The following UBE2E2 variants were observed in gnomAD, a reference collection of about 807,000 sequenced individuals.
UBE2E2 encodes ubiquitin conjugating enzyme E2 E2, also known as ubiquitin-conjugating enzyme E2 E2.
Under a neutral mutation model 24.7 loss-of-function variants are expected in UBE2E2, and 6 were observed. The observed-to-expected ratio is 0.24, with a 90% CI of 0.13 to 0.48. The LOEUF (loss-of-function observed/expected upper bound fraction) is 0.48, where lower values mean the gene tolerates loss of function less well. Among genes scored for constraint, UBE2E2 ranks in the 20% least tolerant of loss-of-function variants. The probability of loss-of-function intolerance (pLI) is 0.99; values close to 1 mark genes in which losing one functional copy is unlikely to be tolerated. For missense variants in UBE2E2, 169 were observed against 245.0 expected (o/e 0.69, Z 2.07); for synonymous variants, 104 against 83.6 (o/e 1.24, Z -1.33).
intron 5 of UBE2E2, among the ~76,000 whole-genome samples, chr3:23,574,224 G>C (rs1187169253): frequency 6.6e-6 from 1 of 152,162 alleles, no homozygotes; most frequent in Non-Finnish European, 1.5e-5. Flanking sequence ...CCAGAGGCTG[G>C]AAAAGGTAGT....
chr3:23,293,077 A>C (rs1360940158), intron 3 of UBE2E2, among the ~76,000 whole-genome samples: 1 of 152,250 alleles, frequency 6.6e-6, no homozygotes, highest in Non-Finnish European at 1.5e-5. Flanking sequence ...CCGTCTCAAA[A>C]AAATCAGGAT....
intron 3 of UBE2E2, among the ~76,000 whole-genome samples, chr3:23,413,689 T>G (rs995262152): frequency 3.3e-5 from 5 of 152,196 alleles, no homozygotes. Context: ...CAGACCCTTA[T>G]GCTTCCTCTT....
chr3:23,271,004 G>T, intron 3 of UBE2E2: 2 of 456,714 alleles, frequency 4.4e-6, no homozygotes, highest in South Asian at 3.1e-5. Flanking sequence ...TGACTTGGAA[G>T]GAGCAGACTT....
In UBE2E2 at chr3:23,256,534, A is replaced by G. The variant is rs543360691; in HGVS notation, c.227+39222A>G. 2.0e-5 allele frequency among the ~76,000 whole-genome samples: 3 copies of G among 152,336 alleles called. No homozygotes were observed. In the East Asian group the frequency reaches 5.8e-4, roughly 29 times the overall value. The stretch of plus-strand genomic sequence containing the variant: ...AGTATGATTTTTAATTAAGAACATT[A>G]AAGTTCTTAGTTATAAATTTTAAAA... On this transcript the variant is annotated intron_variant, in intron 3 of 5. Coordinates refer to ENST00000396703, the MANE Select transcript of UBE2E2 (RefSeq NM_152653.4).
At chr3:23,533,812 G>A (rs1285197400) in intron 5 of UBE2E2, among the ~76,000 whole-genome samples, 3 of 151,688 alleles carry the variant, frequency 2.0e-5, no homozygotes, top group Admixed American at 6.6e-5. Flanking sequence ...TAGTAGAGAC[G>A]GGGTTTCACC....
intron 3 of UBE2E2, among the ~76,000 whole-genome samples, chr3:23,400,000 ATACTT>A (rs1179137778): frequency 6.6e-6 from 1 of 152,144 alleles, no homozygotes; most frequent in Non-Finnish European, 1.5e-5. Flanking sequence ...GAACATTACA[ATACTT>A]TAGAGCATGA....
intron 3 of UBE2E2, among the ~76,000 whole-genome samples, chr3:23,397,435 T>C (rs1559371812): frequency 1.3e-5 from 2 of 152,200 alleles, no homozygotes; most frequent in South Asian, 4.1e-4. Context: ...TAATGAGTTA[T>C]TATAAAGTGA....
At chr3:23,382,543 A>G (rs914224993) in intron 3 of UBE2E2, among the ~76,000 whole-genome samples, 2 of 152,198 alleles carry the variant, frequency 1.3e-5, no homozygotes, top group Non-Finnish European at 2.9e-5. Flanking sequence ...TATTTGGGAG[A>G]GAAGTTGATA....
At chr3:23,203,293 G>A (rs941563720), upstream of UBE2E2, 1 of 988,050 alleles carries the variant, frequency 1.0e-6, no homozygotes, top group South Asian at 4.5e-5. Context: ...GCGCGGCGGG[G>A]ACAGGCGTGG....
chr3:23,494,784 G>A (rs925356587), intron 3 of UBE2E2, among the ~76,000 whole-genome samples: 4 of 151,972 alleles, frequency 2.6e-5, no homozygotes, highest in Non-Finnish European at 5.9e-5. Flanking sequence ...GAGTGCAGTG[G>A]CGCAGTCTTG....
intron 3 of UBE2E2, among the ~76,000 whole-genome samples, chr3:23,244,836 A>G (rs982803331): frequency 8.5e-5 from 13 of 152,158 alleles, no homozygotes; most frequent in African/African-American, 3.1e-4. Flanking sequence ...TATACAAATG[A>G]ATAGTGTTAG....
At chr3:23,562,511 G>A (rs1695959449) in intron 5 of UBE2E2, among the ~76,000 whole-genome samples, 1 of 152,136 alleles carries the variant, frequency 6.6e-6, no homozygotes, top group Non-Finnish European at 1.5e-5. Flanking sequence ...GTTCATCAGG[G>A]ATATTGGTCT....
chr3:23,358,950 G>A (rs1696040157), intron 3 of UBE2E2, among the ~76,000 whole-genome samples: 1 of 152,152 alleles, frequency 6.6e-6, no homozygotes, highest in South Asian at 2.1e-4. Flanking sequence ...TAGCCACAAA[G>A]TGTTAGAAGC....
intron 4 of UBE2E2, among the ~76,000 whole-genome samples, chr3:23,524,962 TGTCTTATA>T (rs1028090795): frequency 2.6e-5 from 4 of 152,106 alleles, no homozygotes; most frequent in Admixed American, 6.6e-5. Flanking sequence ...ATGAATTTAT[TGTCTTATA>T]GTCTTATAGT....
intron 4 of UBE2E2, among the ~76,000 whole-genome samples, chr3:23,523,383 G>A (rs1051987093): frequency 1.3e-5 from 2 of 152,162 alleles, no homozygotes; most frequent in Non-Finnish European, 2.9e-5. Context: ...AGGAAACTGA[G>A]AAAGACTTTT....
intron 3 of UBE2E2, among the ~76,000 whole-genome samples, chr3:23,290,748 T>C (rs918349108): frequency 2.0e-5 from 3 of 151,774 alleles, no homozygotes. Flanking sequence ...TATTATTATT[T>C]TTTGGATTTA....
At chr3:23,437,593 A>G (rs535538956) in intron 3 of UBE2E2, among the ~76,000 whole-genome samples, 77 of 152,344 alleles carry the variant, frequency 5.1e-4, no homozygotes, top group Admixed American at 8.5e-4. Flanking sequence ...CGTAAGTACT[A>G]TAGGAGCTCA....
intron 5 of UBE2E2, among the ~76,000 whole-genome samples, chr3:23,533,619 A>AT (rs759984741): frequency 0.058 from 6,277 of 108,390 alleles, 438 homozygotes; most frequent in East Asian, 0.11. Flanking sequence ...GCAAATTAGT[A>AT]TTTTTTTTTT....
intron 3 of UBE2E2, among the ~76,000 whole-genome samples, chr3:23,472,229 G>A (rs1699045485): frequency 6.6e-6 from 1 of 152,134 alleles, no homozygotes; most frequent in South Asian, 2.1e-4. Flanking sequence ...TTTCTGTCCA[G>A]CCAGACTTAC....
Sources: allele counts gnomAD v4.1 joint callset (sites outside exome capture counted in the v4.1 genomes callset), GRCh38; gene constraint gnomAD v4.1.1; transcripts MANE v1.5; gene names NCBI Gene and HGNC (gene_info 2026-07-23, HGNC 2026-07-21).